CSMD2: variants seen among roughly 807,000 people sequenced by gnomAD.
CSMD2 encodes CUB and Sushi multiple domains 2.
A neutral mutation model predicts 398.5 loss-of-function variants in CSMD2; 130 were observed. The ratio of observed to expected loss-of-function variants is 0.33; its 90% CI spans 0.28 to 0.38. The LOEUF is 0.38. CSMD2 is among the 10% of genes least tolerant of loss of function. CSMD2 has a pLI of 1.00. For missense variants in CSMD2, 3,829 were observed against 4,764.9 expected (o/e 0.80, Z 5.78); for synonymous variants, 1,828 against 1,908.5 (o/e 0.96, Z 1.10).
chr1:34,164,713 G>A lies in CSMD2; in HGVS notation c.187+198C>T, dbSNP rs1641707650. Among the ~76,000 whole-genome samples, 1 of 151,982 alleles carries A rather than the reference G, an allele frequency of 6.6e-6. No homozygotes were observed. Among genetic ancestry groups the A allele is most frequent in the South Asian group, 2.1e-4 (1 of 4,822 alleles). ...GGTTGGGGCAGCAGTGAGGGTGAGG[G>A]TGGAGGTGAGGACGTGGCTGAGGGT... On this transcript the variant is annotated intron_variant, in intron 1 of 70. Coordinates refer to ENST00000373381, the MANE Select transcript of CSMD2 (RefSeq NM_001281956.2). This position sits in a 1 kb window ranked among gnomAD's most constrained non-coding sequence, Gnocchi z 6.2.
chr1:33,912,418 C>G lies in CSMD2; in HGVS notation c.920+5676G>C, dbSNP rs535216082. Among the ~76,000 whole-genome samples the G allele has an allele frequency of 1.2e-4, 17 of 147,676 alleles. No individual in the cohort carries two copies. In the South Asian group the frequency reaches 3.2e-3, roughly 27 times the overall value. The stretch of plus-strand genomic sequence containing the variant: ...ACGACCCCCGCATCATACACCCCCC[C>G]ACACACACTCCTGAGGCTGGCACTT... On this transcript the variant is annotated intron_variant, in intron 5 of 70. Transcript: ENST00000373381.
intron 10 of CSMD2, among the ~76,000 whole-genome samples, chr1:33,796,180 T>C (rs1654926036): frequency 6.6e-6 from 1 of 152,240 alleles, no homozygotes; most frequent in Non-Finnish European, 1.5e-5. Context: ...AAGACAATCA[T>C]AGTCTTTGAT....
chr1:33,610,779 C>T (rs934224071), intron 41 of CSMD2, among the ~76,000 whole-genome samples: 2 of 151,676 alleles, frequency 1.3e-5, no homozygotes, highest in Non-Finnish European at 2.9e-5. Context: ...GGCCACTTGC[C>T]CAGGGACAGC....
At chr1:33,544,854 T>TATAC (rs1553134872) in intron 57 of CSMD2, among the ~76,000 whole-genome samples, 15 of 93,328 alleles carry the variant, frequency 1.6e-4, no homozygotes, top group African/African-American at 3.9e-4. Context: ...TATATATATA[T>TATAC]ACACATATAA....
intron 56 of CSMD2, among the ~76,000 whole-genome samples, chr1:33,546,945 A>C (rs1353918521): frequency 6.6e-6 from 1 of 152,118 alleles, no homozygotes; most frequent in Non-Finnish European, 1.5e-5. Context: ...TGGGGTAGGA[A>C]GTGATGTTTT....
intron 1 of CSMD2, among the ~76,000 whole-genome samples, chr1:34,097,740 A>G (rs1276280585): frequency 1.6e-3 from 50 of 31,396 alleles, no homozygotes; most frequent in South Asian, 4.3e-3. Flanking sequence ...TTAGAATGGC[A>G]ATCATTAAAA....
chr1:34,160,029 C>A (rs1641187069), intron 1 of CSMD2, among the ~76,000 whole-genome samples: 1 of 152,188 alleles, frequency 6.6e-6, no homozygotes, highest in Admixed American at 6.5e-5. Context: ...CTCTGCGGAG[C>A]AATCAGGTTC....
intron 40 of CSMD2, 51 bp from the exon 41 acceptor site, chr1:33,611,301 C>A: frequency 6.7e-7 from 1 of 1,497,074 alleles, no homozygotes; most frequent in Non-Finnish European, 9.3e-7. Context: ...AGTCCTGCCT[C>A]AAGTGTGCTG....
intron 43 of CSMD2, among the ~76,000 whole-genome samples, 176 bp downstream of exon 43, chr1:33,602,193 C>G (rs892306116): frequency 6.6e-6 from 1 of 152,250 alleles, no homozygotes; most frequent in Admixed American, 6.5e-5. Context: ...GCCATAATGG[C>G]CAGTTGGAGC....
In CSMD2 at chr1:34,049,916, A is replaced by G. The variant is rs112146588; in HGVS notation, c.405-17210T>C. Reference sequence around the variant, plus strand: ...TCATAAGGATGGGACTTCCAACATGAGATTAGTGCCCTTATAAGAAAAGAC... The same window carrying G: ...TCATAAGGATGGGACTTCCAACATGGGATTAGTGCCCTTATAAGAAAAGAC... On this transcript the variant is annotated intron_variant, in intron 2 of 70. Coordinates refer to ENST00000373381, the MANE Select transcript of CSMD2 (RefSeq NM_001281956.2). Among the ~76,000 whole-genome samples the G allele has an allele frequency of 1.1e-3, 168 of 152,228 alleles. 4 individuals are homozygous for G. The highest frequency in any genetic ancestry group is 6.8e-3 in the Middle Eastern group (2 of 294).
chr1:33,840,077 TC>T (rs1660699752), intron 6 of CSMD2: 2 of 152,204 alleles, frequency 1.3e-5, no homozygotes, highest in African/African-American at 2.4e-5. Context: ...CCACTGGAAT[TC>T]CTAAAGAAGA....
Position 33,692,985 on chromosome 1 carries a change from C to T in CSMD2, c.3997G>A (p.Glu1333Lys). 6.2e-7 allele frequency: 1 copy of T among 1,607,170 alleles called. No homozygotes were observed. The highest frequency in any genetic ancestry group is 1.7e-4 in the Middle Eastern group (1 of 6,050). Residue 1333 changes from glutamate (E) to lysine (K), a missense_variant, in exon 25 of 71, where the codon GAA becomes AAA. By Grantham distance (56) the Glu-to-Lys change is moderately conservative. Coordinates refer to ENST00000373381, the MANE Select transcript of CSMD2 (RefSeq NM_001281956.2). ...GTCCAGATGCAGTTGAGATTGTGTT[C>T]ATAGGGAGCTGGATACCCGGGTGAC... is the stretch of plus-strand genomic sequence containing the variant. The part of the protein sequence containing the change: ...VLSPGYPAPY[E>K]HNLNCIWTIE...
chr1:33,714,498 G>T, intron 21 of CSMD2, 89 bp downstream of exon 21: 1 of 1,457,816 alleles, frequency 6.9e-7, no homozygotes, highest in Non-Finnish European at 9.4e-7. Flanking sequence ...CAGCCTCTTG[G>T]CCTGTGTGCC....
chr1:34,145,229 G>C lies in CSMD2; in HGVS notation c.187+19682C>G, dbSNP rs542679603. ...TGCCTTTTCCCAGGGCCAAAGAACA[G>C]AACCACCCAAGTTAGGAAAGTGTAT... On this transcript the variant is annotated intron_variant, in intron 1 of 70. Coordinates refer to ENST00000373381, the MANE Select transcript of CSMD2 (RefSeq NM_001281956.2). Among the ~76,000 whole-genome samples, 4 of 152,342 alleles carry C rather than the reference G, an allele frequency of 2.6e-5. No homozygotes were observed. In the East Asian group the frequency reaches 7.7e-4, roughly 29 times the overall value.
intron 25 of CSMD2, among the ~76,000 whole-genome samples, chr1:33,669,809 T>G (rs1486506846): frequency 1.3e-5 from 2 of 151,970 alleles, no homozygotes; most frequent in Non-Finnish European, 2.9e-5. Flanking sequence ...AGAGGGAGAT[T>G]TGGATACAGA....
chr1:33,660,198 T>A (rs1644086960), intron 26 of CSMD2, among the ~76,000 whole-genome samples: 1 of 152,206 alleles, frequency 6.6e-6, no homozygotes, highest in South Asian at 2.1e-4. Context: ...GGAGCCCACA[T>A]CTGCAACATG....
intron 44 of CSMD2, among the ~76,000 whole-genome samples, chr1:33,595,435 C>T (rs1639773192): frequency 1.3e-5 from 2 of 152,166 alleles, no homozygotes; most frequent in South Asian, 2.1e-4. Flanking sequence ...GCGTGTCTTC[C>T]AGTCTTCTCC....
intron 1 of CSMD2, among the ~76,000 whole-genome samples, chr1:34,125,622 A>T (rs1462087551): frequency 6.6e-6 from 1 of 152,082 alleles, no homozygotes; most frequent in Non-Finnish European, 1.5e-5. Flanking sequence ...AATAGCATCA[A>T]GCAATTTAGG....
chr1:33,556,960 A>T (rs141007463), intron 55 of CSMD2, among the ~76,000 whole-genome samples: 1 of 152,252 alleles, frequency 6.6e-6, no homozygotes, highest in African/African-American at 2.4e-5. Context: ...TCTTTCCTTT[A>T]TAAATTACCC....
Sources: gnomAD v4.1 joint callset for allele counts (sites outside exome capture counted in the v4.1 genomes callset) on GRCh38, gnomAD v4.1.1 for gene constraint, Gnocchi (gnomAD v3.1) non-coding constraint, MANE v1.5 for transcripts, NCBI Gene and HGNC (gene_info 2026-07-23, HGNC 2026-07-21) for gene names.